PIPOX: variants seen among roughly 807,000 people sequenced by gnomAD.
PIPOX encodes the protein peroxisomal sarcosine oxidase.
Under a neutral mutation model 47.9 loss-of-function variants are expected in PIPOX, and 45 were observed. The observed-to-expected ratio is 0.94, with a 90% CI of 0.74 to 1.20. The LOEUF (loss-of-function observed/expected upper bound fraction) is 1.20. Ranked by LOEUF, PIPOX falls within the 50% of genes most tolerant of loss-of-function variation. The pLI is 0.00. For synonymous variants in PIPOX, 165 were observed against 191.3 expected (o/e 0.86, Z 1.13); for missense variants, 458 against 498.4 (o/e 0.92, Z 0.77).
At position 29,055,017 on chromosome 17, in the gene PIPOX, T is replaced by C. The variant is rs778400089; in HGVS notation, c.808-46T>C. On this transcript the variant is annotated intron_variant, in intron 5 of 7. Transcript: ENST00000323372. ...CCTGCCCTTCGGCTGTGGGTGTGTG[T>C]GGAAGGCCAGCCCTCACCACTCATG... is the stretch of plus-strand genomic sequence containing the variant. 2.5e-6 allele frequency: 4 copies of C among 1,611,316 alleles called. No homozygotes were observed. The South Asian group carries it at 3.3e-5, about 13-fold the overall frequency.
chr17:29,048,760 C>A (rs1209946536), intron 2 of PIPOX, among the ~76,000 whole-genome samples: 1 of 152,224 alleles, frequency 6.6e-6, no homozygotes, highest in Admixed American at 6.5e-5. Flanking sequence ...CAGCCACATC[C>A]CCTCCCTGGA....
At position 29,043,152 on chromosome 17, in the gene PIPOX, C is replaced by T. The variant is rs542605444; in HGVS notation, c.-74C>T. 1.5e-5 allele frequency: 18 copies of T among 1,194,946 alleles called. No homozygotes were observed. The highest frequency in any genetic ancestry group is 9.7e-5 in the East Asian group (4 of 41,028). The allele number at this position is 1,194,946 out of a possible 1,614,324, so 74.0% of individuals were successfully genotyped here. A position where few individuals can be genotyped will look rare whatever the true frequency, so the allele number is the denominator to read the frequency against. ...CCAGGCTGGACTTTGCCTTCCTCCT[C>T]GTCCTTTAGCCGGGAGCCTGTCTTT... On this transcript the variant is annotated 5_prime_UTR_variant, in exon 1 of 8. Coordinates refer to ENST00000323372, the MANE Select transcript of PIPOX (RefSeq NM_016518.3).
At chr17:29,053,769 T>C in intron 4 of PIPOX, 174 bp downstream of exon 4, 2 of 498,988 alleles carry the variant, frequency 4.0e-6, no homozygotes, top group Non-Finnish European at 7.1e-6. Flanking sequence ...AGCTACCTCA[T>C]AGGGCTGTTG....
intron 2 of PIPOX, among the ~76,000 whole-genome samples, chr17:29,047,148 A>G (rs2065788516): frequency 6.6e-6 from 1 of 152,158 alleles, no homozygotes. Flanking sequence ...GTAGCCAGGC[A>G]TGGTGGTGGA....
At position 29,053,477 on chromosome 17, in the gene PIPOX, G is replaced by A; in HGVS notation, c.542G>A (p.Gly181Glu). Residue 181 changes from glycine (G) to glutamate (E), a missense_variant, in exon 4 of 8, where the codon GGG becomes GAG. Gly to Glu is a moderately conservative substitution (Grantham distance 98). Coordinates refer to ENST00000323372, the MANE Select transcript of PIPOX (RefSeq NM_016518.3). ...DGEKVVEINP[G>E]LLVTVKTTSR... ...GAGAAGGTGGTGGAGATAAACCCAG[G>A]GCTACTGGTCACGGTGAAAACCACC... 1 of 1,614,140 alleles carries A rather than the reference G, an allele frequency of 6.2e-7. No homozygotes were observed. The highest frequency in any genetic ancestry group is 1.1e-5 in the South Asian group (1 of 91,074).
chr17:29,043,874 A>G (rs1372955724), intron 1 of PIPOX, among the ~76,000 whole-genome samples: 1 of 151,880 alleles, frequency 6.6e-6, no homozygotes, highest in Non-Finnish European at 1.5e-5. Context: ...TTGACACATG[A>G]TAAGTGAGAC....
intron 2 of PIPOX, among the ~76,000 whole-genome samples, chr17:29,051,333 G>A (rs1432718177): frequency 6.6e-6 from 1 of 152,188 alleles, no homozygotes; most frequent in Admixed American, 6.5e-5. Flanking sequence ...GATTGGGCAC[G>A]CTGCGCGGCT....
At chr17:29,052,855 G>C (rs1040034257) in intron 2 of PIPOX, 65 bp from the exon 3 acceptor site, 36 of 1,398,006 alleles carry the variant, frequency 2.6e-5, no homozygotes, top group Non-Finnish European at 3.5e-5. Context: ...TTACAGGCGT[G>C]AGTCGTCACA....
At chr17:29,047,394 G>A (rs2065789668) in intron 2 of PIPOX, among the ~76,000 whole-genome samples, 1 of 152,180 alleles carries the variant, frequency 6.6e-6, no homozygotes, top group South Asian at 2.1e-4. Flanking sequence ...CTTATGAGAG[G>A]GTTGCTGCCG....
rs2065822538 is a variant in PIPOX at position 29,055,129 on chromosome 17, A to G, written c.874A>G (p.Ile292Val). ...GGACTGCCCCACAGCACGCACAGACATCGGAGACGTCCAGATCCTGAGCAG... is the reference window on the plus strand; with the variant it reads ...GGACTGCCCCACAGCACGCACAGACGTCGGAGACGTCCAGATCCTGAGCAG... ...ERDCPTARTD[I>V]GDVQILSSFV... Residue 292 changes from isoleucine to valine, a missense_variant, in exon 6 of 8, where the codon ATC becomes GTC. Coordinates refer to ENST00000323372, the MANE Select transcript of PIPOX (RefSeq NM_016518.3). The G allele has an allele frequency of 2.5e-6, 4 of 1,614,026 alleles. No individual in the cohort carries two copies. Among genetic ancestry groups the G allele is most frequent in the African/African-American group, 2.7e-5 (2 of 74,920 alleles).
At chr17:29,045,270 C>G (rs1202188897) in intron 2 of PIPOX, among the ~76,000 whole-genome samples, 2 of 152,164 alleles carry the variant, frequency 1.3e-5, no homozygotes, top group Non-Finnish European at 2.9e-5. Flanking sequence ...AGCCTGCTGG[C>G]AAGGCACCGT....
At chr17:29,054,420 A>G in intron 4 of PIPOX, 125 bp from the exon 5 acceptor site, 2 of 930,144 alleles carry the variant, frequency 2.2e-6, no homozygotes, top group Non-Finnish European at 3.4e-6. Context: ...AGAGACAAAC[A>G]TGGATGAGTT....
In PIPOX at chr17:29,055,044, C is replaced by T; in HGVS notation, c.808-19C>T. ...GAAGGCCAGCCCTCACCACTCATGCCACTCTGATTGGGAGCCAGGTCAGCT... is the reference window on the plus strand; with the variant it reads ...GAAGGCCAGCCCTCACCACTCATGCTACTCTGATTGGGAGCCAGGTCAGCT... On this transcript the variant is annotated intron_variant, in intron 5 of 7. Coordinates refer to ENST00000323372, the MANE Select transcript of PIPOX (RefSeq NM_016518.3). 1.2e-6 allele frequency: 2 copies of T among 1,613,960 alleles called. No individual in the cohort carries two copies. Among genetic ancestry groups the T allele is most frequent in the Non-Finnish European group, 1.7e-6 (2 of 1,179,938 alleles).
rs914107758 is a variant in PIPOX at position 29,053,441 on chromosome 17, T to C, written c.506T>C (p.Val169Ala). 3 of 1,613,920 alleles carry C rather than the reference T, an allele frequency of 1.9e-6. No individual in the cohort carries two copies. The highest frequency in any genetic ancestry group is 2.5e-6 in the Non-Finnish European group (3 of 1,179,852). The change falls in exon 4 of 8, where the codon GTG (valine) becomes GCG (alanine). Residue 169 changes from valine (V) to alanine (A), a missense_variant. Val to Ala is a moderately conservative substitution (Grantham distance 64, BLOSUM62 0). Coordinates refer to ENST00000323372, the MANE Select transcript of PIPOX (RefSeq NM_016518.3). ...QDAIRQLGGI[V>A]RDGEKVVEIN... ...GCAATTCGACAGCTAGGAGGCATAG[T>C]GCGTGACGGAGAGAAGGTGGTGGAG...
rs2065772810 is a variant in PIPOX at position 29,043,173 on chromosome 17, T to C, written c.-53T>C. On this transcript the variant is annotated 5_prime_UTR_variant, in exon 1 of 8. Coordinates refer to ENST00000323372, the MANE Select transcript of PIPOX (RefSeq NM_016518.3). ...TCCTCGTCCTTTAGCCGGGAGCCTG[T>C]CTTTGCTTGCCTTTGCCTTTGAGGC... 1.4e-6 allele frequency: 2 copies of C among 1,418,076 alleles called. No individual in the cohort carries two copies. Among genetic ancestry groups the C allele is most frequent in the East Asian group, 2.3e-5 (1 of 43,112 alleles). 87.8% of individuals were successfully genotyped at this position (1,418,076 alleles called of 1,614,324 possible).
intron 4 of PIPOX, among the ~76,000 whole-genome samples, chr17:29,054,308 G>T (rs1287456446): frequency 2.0e-5 from 3 of 152,204 alleles, no homozygotes; most frequent in Non-Finnish European, 2.9e-5. Context: ...CTGGGGGCTG[G>T]GTGTAGTTAT....
chr17:29,053,788 A>G, intron 4 of PIPOX, 193 bp downstream of exon 4: 1 of 473,910 alleles, frequency 2.1e-6, no homozygotes. Flanking sequence ...TGGAGAATTA[A>G]ATTATTAGGC....
chr17:29,045,519 T>A (rs950412165), intron 2 of PIPOX, among the ~76,000 whole-genome samples: 2 of 150,972 alleles, frequency 1.3e-5, no homozygotes, highest in African/African-American at 4.9e-5. Context: ...CAAGTGATTC[T>A]TCTGCTTCAG....
chr17:29,055,783 A>AGAAC (rs767055130), intron 6 of PIPOX, 30 bp from the exon 7 acceptor site: 5 of 1,591,972 alleles, frequency 3.1e-6, no homozygotes, highest in Non-Finnish European at 4.3e-6. Flanking sequence ...CGAGCCTCAA[A>AGAAC]GAACACAAGG....
Sources: gnomAD v4.1 joint callset for allele counts (sites outside exome capture counted in the v4.1 genomes callset) on GRCh38, gnomAD v4.1.1 for gene constraint, MANE v1.5 for transcripts, NCBI Gene and HGNC (gene_info 2026-07-23, HGNC 2026-07-21) for gene names.